FAM184B: variants seen among roughly 807,000 people sequenced by gnomAD.
FAM184B encodes protein FAM184B.
In FAM184B, 111 loss-of-function variants were observed where a neutral mutation model predicts 135.9. The ratio of observed to expected loss-of-function variants is 0.82; its 90% CI spans 0.70 to 0.96. The LOEUF (loss-of-function observed/expected upper bound fraction) is 0.96. FAM184B is among the 40% of genes least tolerant of loss of function. FAM184B has a pLI of 0.00. For missense variants in FAM184B, 1,375 were observed against 1,323.9 expected, an observed-to-expected ratio of 1.04 and a Z score of -0.60; for synonymous variants, 552 against 524.8, an observed-to-expected ratio of 1.05 and a Z score of -0.71.
At chr4:17,637,634 T>C (rs568814480) in intron 14 of FAM184B, among the ~76,000 whole-genome samples, 1 of 151,322 alleles carries the variant, frequency 6.6e-6, no homozygotes, top group South Asian at 2.1e-4. Flanking sequence ...GTAAAACCTT[T>C]CCTGCTGGCT....
rs1296021182 is a variant in FAM184B at position 17,681,999 on chromosome 4, C to G, written c.1596+6425G>C. 2.0e-5 allele frequency among the ~76,000 whole-genome samples: 3 copies of G among 152,296 alleles called. No individual in the cohort carries two copies. The East Asian group carries it at 5.8e-4, about 29-fold the overall frequency. On this transcript the variant is annotated intron_variant, in intron 7 of 17. Coordinates refer to ENST00000265018, the MANE Select transcript of FAM184B (RefSeq NM_015688.2). ...ATTTCTCCCATTTGAAATGTGAGCC[C>G]TCCAAGGATCAAGATTGGGCCTCAT...
chr4:17,635,162 T>A, intron 15 of FAM184B, 49 bp from the exon 16 acceptor site: 1 of 1,420,036 alleles, frequency 7.0e-7, no homozygotes, highest in Non-Finnish European at 9.7e-7. Flanking sequence ...CACACAGCAC[T>A]GGGTTTGACT....
intron 1 of FAM184B, among the ~76,000 whole-genome samples, chr4:17,709,913 A>G (rs529159170): frequency 6.6e-6 from 1 of 152,338 alleles, no homozygotes; most frequent in African/African-American, 2.4e-5. Flanking sequence ...CGAATTCCGA[A>G]GGGGACCTCT....
chr4:17,772,586 C>A (rs968091668), intron 1 of FAM184B, among the ~76,000 whole-genome samples: 1 of 152,224 alleles, frequency 6.6e-6, no homozygotes, highest in East Asian at 1.9e-4. Flanking sequence ...CCAAATTCCT[C>A]AAAGCTAGAC....
chr4:17,666,879 C>T (rs866537149), intron 7 of FAM184B, among the ~76,000 whole-genome samples: 1 of 151,966 alleles, frequency 6.6e-6, no homozygotes, highest in Non-Finnish European at 1.5e-5. Context: ...ACAAATATGT[C>T]ACGGGCCACT....
chr4:17,728,462 A>G (rs1277259306), intron 1 of FAM184B, among the ~76,000 whole-genome samples: 1 of 152,202 alleles, frequency 6.6e-6, no homozygotes, highest in African/African-American at 2.4e-5. Context: ...AGATCTTTAC[A>G]TTTTGACTGC....
chr4:17,632,333 C>A lies in FAM184B; in HGVS notation c.*199G>T, dbSNP rs1422138420. ...CAAGCAGTCCATCTGCCTCAGCCTC[C>A]CAAAGTGATGGGATTACAGGCGTGA... On this transcript the variant is annotated 3_prime_UTR_variant, in exon 18 of 18. Coordinates refer to ENST00000265018, the MANE Select transcript of FAM184B (RefSeq NM_015688.2). 2.5e-6 allele frequency: 1 copy of A among 398,046 alleles called. No individual in the cohort carries two copies. Among genetic ancestry groups the A allele is most frequent in the East Asian group, 4.4e-5 (1 of 22,864 alleles). The allele number at this position is 398,046 out of a possible 1,614,324, so 24.7% of individuals were successfully genotyped here.
At chr4:17,745,420 A>G (rs1436854912) in intron 1 of FAM184B, among the ~76,000 whole-genome samples, 1 of 152,200 alleles carries the variant, frequency 6.6e-6, no homozygotes, top group African/African-American at 2.4e-5. Context: ...CTTCTAGCCA[A>G]CTACTAAGTC....
At position 17,774,009 on chromosome 4, in the gene FAM184B, G is replaced by GA. The variant is rs372492166; in HGVS notation, c.141+7149dup. 3.6e-3 allele frequency among the ~76,000 whole-genome samples: 545 copies of GA among 152,286 alleles called. 3 individuals are homozygous for GA. The highest frequency in any genetic ancestry group is 0.011 in the African/African-American group (477 of 41,566). On this transcript the variant is annotated intron_variant, in intron 1 of 17. Coordinates refer to ENST00000265018, the MANE Select transcript of FAM184B (RefSeq NM_015688.2). ...ACATTCTATTATTCTTTGAAAATGG[G>GA]AATTGGAGAATCCCTGGGTAGGAGG...
At chr4:17,765,985 C>T (rs531300440) in intron 1 of FAM184B, among the ~76,000 whole-genome samples, 2 of 152,258 alleles carry the variant, frequency 1.3e-5, no homozygotes, top group South Asian at 2.1e-4. Context: ...TTCCCCCCGG[C>T]AGGTTCATGA....
At chr4:17,667,432 C>T (rs577743575) in intron 7 of FAM184B, among the ~76,000 whole-genome samples, 35 of 152,302 alleles carry the variant, frequency 2.3e-4, no homozygotes, top group African/African-American at 7.7e-4. Context: ...CATAAGTTCA[C>T]GTTCTGTTTA....
intron 13 of FAM184B, among the ~76,000 whole-genome samples, chr4:17,641,397 A>T (rs1355212968): frequency 6.8e-6 from 1 of 147,510 alleles, no homozygotes; most frequent in East Asian, 2.0e-4. Context: ...ATTTGATGAC[A>T]CTTTTGGTCC....
intron 1 of FAM184B, among the ~76,000 whole-genome samples, chr4:17,734,770 C>T (rs13116989): frequency 0.98 from 142,959 of 146,530 alleles, 69,836 homozygotes; most frequent in Middle Eastern, 1. Flanking sequence ...GAAGTCAGTG[C>T]GGCGATTCCT....
At chr4:17,691,136 G>T (rs1309700467) in intron 6 of FAM184B, among the ~76,000 whole-genome samples, 1 of 152,136 alleles carries the variant, frequency 6.6e-6, no homozygotes, top group Non-Finnish European at 1.5e-5. Flanking sequence ...GGCAGTATTA[G>T]CTTAGCGGTT....
At position 17,781,539 on chromosome 4, in the gene FAM184B, C is replaced by G. The variant is rs1577301119; in HGVS notation, c.-240G>C. ...CTGGCTGGCTGGCTCCGCGGGCACC[C>G]GCACCCTGCGGCGAGGCGTCGGCGC... On this transcript the variant is annotated 5_prime_UTR_variant, in exon 1 of 18. Coordinates refer to ENST00000265018, the MANE Select transcript of FAM184B (RefSeq NM_015688.2). This position sits in a 1 kb window ranked among gnomAD's most constrained non-coding sequence, Gnocchi z 6.5. 11 of 440,400 alleles carry G rather than the reference C, an allele frequency of 2.5e-5. No homozygotes were observed. In the East Asian group the frequency reaches 4.0e-4, roughly 16 times the overall value. 27.3% of individuals were successfully genotyped at this position (440,400 alleles called of 1,614,324 possible). A position where few individuals can be genotyped will look rare whatever the true frequency, so the allele number is the denominator to read the frequency against.
chr4:17,721,814 C>T (rs762021936), intron 1 of FAM184B, among the ~76,000 whole-genome samples: 1 of 152,234 alleles, frequency 6.6e-6, no homozygotes, highest in Non-Finnish European at 1.5e-5. Flanking sequence ...GCATTTTTAA[C>T]ATTCCCTCGC....
chr4:17,749,329 C>T (rs1718243315), intron 1 of FAM184B, among the ~76,000 whole-genome samples: 1 of 151,838 alleles, frequency 6.6e-6, no homozygotes, highest in Admixed American at 6.6e-5. Context: ...CACCTATAAT[C>T]CCAGCACTTT....
intron 5 of FAM184B, among the ~76,000 whole-genome samples, chr4:17,696,966 T>G (rs1716880390): frequency 6.6e-6 from 1 of 152,074 alleles, no homozygotes; most frequent in Admixed American, 6.6e-5. Flanking sequence ...GTTAAGGAAT[T>G]GGAACTATTT....
In FAM184B at chr4:17,709,683, G is replaced by A. The variant is rs573438964; in HGVS notation, c.142-39C>T. On this transcript the variant is annotated intron_variant, in intron 1 of 17. Transcript: ENST00000265018. ...AACAGAGCCCAGTTAGGGTGAGGGGGCTGGGGTGTGGGAGGGCTGAGGGGA... is the reference window on the plus strand; with the variant it reads ...AACAGAGCCCAGTTAGGGTGAGGGGACTGGGGTGTGGGAGGGCTGAGGGGA... 44 of 1,450,772 alleles carry A rather than the reference G, an allele frequency of 3.0e-5. No homozygotes were observed. In the African/African-American group the frequency reaches 6.0e-4, roughly 20 times the overall value. The allele number at this position is 1,450,772 out of a possible 1,614,324, so 89.9% of individuals were successfully genotyped here.
Sources: gnomAD v4.1 joint callset for allele counts (sites outside exome capture counted in the v4.1 genomes callset) on GRCh38, gnomAD v4.1.1 for gene constraint, Gnocchi (gnomAD v3.1) non-coding constraint, MANE v1.5 for transcripts, NCBI Gene and HGNC (gene_info 2026-07-23, HGNC 2026-07-21) for gene names.